CLSTN2: variants seen among roughly 807,000 people sequenced by gnomAD.
CLSTN2 encodes calsyntenin-2.
CLSTN2 carries 48 observed loss-of-function variants against 101.2 expected under a neutral mutation model. The observed-to-expected ratio is 0.47, with a 90% CI of 0.38 to 0.60. The LOEUF is 0.60. Ranked by LOEUF, CLSTN2 falls within the 20% of genes least tolerant of loss-of-function variation. CLSTN2 has a pLI of 0.00. For missense variants in CLSTN2, 1,160 were observed against 1,238.2 expected, an observed-to-expected ratio of 0.94 and a Z score of 0.95; for synonymous variants, 481 against 463.6, an observed-to-expected ratio of 1.04 and a Z score of -0.48.
chr3:140,181,339 A>G (rs897781340), intron 2 of CLSTN2, among the ~76,000 whole-genome samples: 1 of 152,222 alleles, frequency 6.6e-6, no homozygotes, highest in Admixed American at 6.5e-5. Flanking sequence ...AATGAGGGTA[A>G]TCAGAGTAAT....
intron 6 of CLSTN2, chr3:140,454,898 G>A (rs972478583): frequency 6.6e-6 from 1 of 152,328 alleles, no homozygotes; most frequent in African/African-American, 2.4e-5. Flanking sequence ...AGAGATTTGT[G>A]TTGTGAATAG....
At chr3:140,335,760 T>A (rs1383053955) in intron 2 of CLSTN2, among the ~76,000 whole-genome samples, 1 of 152,196 alleles carries the variant, frequency 6.6e-6, no homozygotes, top group Non-Finnish European at 1.5e-5. Context: ...ATTAATTCAA[T>A]CATACACCTG....
At chr3:140,550,159 G>A (rs579867) in intron 10 of CLSTN2, among the ~76,000 whole-genome samples, 12 of 151,424 alleles carry the variant, frequency 7.9e-5, no homozygotes, top group South Asian at 2.1e-4. Flanking sequence ...AGGTAGGCAG[G>A]GGCCATATCA....
At chr3:140,399,804 C>T (rs1028539824) in intron 2 of CLSTN2, among the ~76,000 whole-genome samples, 1 of 151,986 alleles carries the variant, frequency 6.6e-6, no homozygotes, top group Non-Finnish European at 1.5e-5. Flanking sequence ...TATGATTGAT[C>T]ACGTCACCAA....
intron 2 of CLSTN2, among the ~76,000 whole-genome samples, chr3:140,177,079 G>A (rs2010336691): frequency 6.6e-6 from 1 of 152,176 alleles, no homozygotes; most frequent in Non-Finnish European, 1.5e-5. Context: ...ATTAAATGGG[G>A]AAATTCAGTA....
intron 1 of CLSTN2, among the ~76,000 whole-genome samples, chr3:140,030,201 G>A (rs2007517371): frequency 6.6e-6 from 1 of 151,978 alleles, no homozygotes; most frequent in South Asian, 2.1e-4. Context: ...GCTGTCCTGG[G>A]GACTTCACAT....
intron 1 of CLSTN2, among the ~76,000 whole-genome samples, chr3:139,985,222 A>G (rs1046867411): frequency 6.6e-6 from 1 of 152,314 alleles, no homozygotes; most frequent in East Asian, 1.9e-4. Flanking sequence ...CAATGGCTGC[A>G]CATTGTCCTC....
rs566277762 is a variant in CLSTN2 at position 140,263,468 on chromosome 3, G to A, written c.232+87395G>A. On this transcript the variant is annotated intron_variant, in intron 2 of 16. Transcript: ENST00000458420. Reference sequence around the variant, plus strand: ...GTTCACTGGTTGCTCACTCAGGCAGGTTGTGGGGTGTATTGCTCTAGAAGG... The same window carrying A: ...GTTCACTGGTTGCTCACTCAGGCAGATTGTGGGGTGTATTGCTCTAGAAGG... Among the ~76,000 whole-genome samples, 5 of 152,310 alleles carry A rather than the reference G, an allele frequency of 3.3e-5. No individual in the cohort carries two copies. In the East Asian group the frequency reaches 9.7e-4, roughly 29 times the overall value.
intron 8 of CLSTN2, among the ~76,000 whole-genome samples, chr3:140,500,371 C>T (rs574520098): frequency 2.0e-5 from 3 of 152,246 alleles, no homozygotes; most frequent in Admixed American, 1.3e-4. Flanking sequence ...GGAATGCACT[C>T]AGAATATCTG....
intron 1 of CLSTN2, among the ~76,000 whole-genome samples, chr3:139,983,368 T>C (rs948817249): frequency 6.6e-6 from 1 of 152,100 alleles, no homozygotes; most frequent in Admixed American, 6.6e-5. Flanking sequence ...AAGTTTGAAG[T>C]TGTGGGTCTC....
chr3:140,381,573 T>C (rs1286519252), intron 2 of CLSTN2, among the ~76,000 whole-genome samples: 2 of 152,242 alleles, frequency 1.3e-5, no homozygotes, highest in Admixed American at 1.3e-4. Context: ...TGACTTATCA[T>C]AAATGTGAGT....
chr3:140,381,131 G>A (rs1294479533), intron 2 of CLSTN2, among the ~76,000 whole-genome samples: 2 of 152,202 alleles, frequency 1.3e-5, no homozygotes, highest in Non-Finnish European at 2.9e-5. Context: ...CTGGTGATTG[G>A]AAGCAGTCTT....
intron 2 of CLSTN2, among the ~76,000 whole-genome samples, chr3:140,339,523 A>C (rs1169639581): frequency 6.6e-6 from 1 of 152,162 alleles, no homozygotes; most frequent in East Asian, 1.9e-4. Context: ...TGGGGAGCTT[A>C]AAAAGCTACC....
intron 1 of CLSTN2, among the ~76,000 whole-genome samples, chr3:140,048,045 A>G (rs1012013643): frequency 2.6e-5 from 4 of 152,238 alleles, no homozygotes; most frequent in Non-Finnish European, 4.4e-5. Context: ...AAAAATGACC[A>G]GAAGAATATT....
At chr3:140,005,434 A>G (rs1439406194) in intron 1 of CLSTN2, among the ~76,000 whole-genome samples, 2 of 152,102 alleles carry the variant, frequency 1.3e-5, no homozygotes, top group Non-Finnish European at 2.9e-5. Context: ...ATTTCCTTAG[A>G]GTACCAATGT....
chr3:140,309,010 A>C (rs1466699214), intron 2 of CLSTN2, among the ~76,000 whole-genome samples: 1 of 152,218 alleles, frequency 6.6e-6, no homozygotes, highest in Non-Finnish European at 1.5e-5. Context: ...TGGTTTCATC[A>C]GTTATTTATT....
intron 1 of CLSTN2, among the ~76,000 whole-genome samples, chr3:140,085,820 G>A (rs2008671862): frequency 6.6e-6 from 1 of 152,132 alleles, no homozygotes; most frequent in Admixed American, 6.5e-5. Context: ...AGAATGTTTT[G>A]AACTGTGATC....
At chr3:140,395,115 T>C (rs2088165988) in intron 2 of CLSTN2, among the ~76,000 whole-genome samples, 2 of 152,238 alleles carry the variant, frequency 1.3e-5, no homozygotes. Context: ...ATAACTGCTT[T>C]GTTAATCTTC....
At chr3:140,091,957 T>G (rs1263761750) in intron 1 of CLSTN2, among the ~76,000 whole-genome samples, 2 of 152,222 alleles carry the variant, frequency 1.3e-5, no homozygotes, top group Non-Finnish European at 2.9e-5. Context: ...AAATGTTTGT[T>G]GAATAAGTAA....
Sources: allele counts gnomAD v4.1 joint callset (sites outside exome capture counted in the v4.1 genomes callset), GRCh38; gene constraint gnomAD v4.1.1; transcripts MANE v1.5; gene names NCBI Gene and HGNC (gene_info 2026-07-23, HGNC 2026-07-21).